TRAF5: variants seen among roughly 807,000 people sequenced by gnomAD.
TRAF5 encodes the protein TNF receptor associated factor 5.
In TRAF5, 48 loss-of-function variants were observed where a neutral mutation model predicts 64.5. The observed-to-expected ratio is 0.74, with a 90% confidence interval of 0.59 to 0.95. The LOEUF (loss-of-function observed/expected upper bound fraction) is 0.95. Ranked by LOEUF, TRAF5 falls within the 40% of genes least tolerant of loss-of-function variation. TRAF5 has a pLI of 0.00. For synonymous variants in TRAF5, 206 were observed against 240.5 expected, an observed-to-expected ratio of 0.86 and a Z score of 1.33; for missense variants, 545 against 662.8, an observed-to-expected ratio of 0.82 and a Z score of 1.95.
At chr1:211,371,157 T>C (rs1703508271) in intron 9 of TRAF5, 145 bp from the exon 10 acceptor site, 11 of 767,214 alleles carry the variant, frequency 1.4e-5, no homozygotes, top group Admixed American at 3.5e-5. Flanking sequence ...GTGATCCTCA[T>C]TGAATTTTAT....
At position 211,359,967 on chromosome 1, in the gene TRAF5, G is replaced by A. The variant is rs143474206; in HGVS notation, c.434G>A (p.Arg145Gln). The change falls in exon 5 of 11, where the codon CGG becomes CAG. Residue 145 changes from arginine to glutamine, a missense_variant. Physicochemically the swap from Arg to Gln is conservative, Grantham distance 43. Coordinates refer to ENST00000261464, the MANE Select transcript of TRAF5 (RefSeq NM_001033910.3). The stretch of plus-strand genomic sequence containing the variant: ...GTGCAGTGTTCTAATGAGAAGTGCC[G>A]GGAGCCAGTCCTACGGAAAGACCTG... ...QPVQCSNEKC[R>Q]EPVLRKDLKE... 362 of 1,614,058 alleles carry A rather than the reference G, an allele frequency of 2.2e-4. No homozygotes were observed. The African/African-American group carries it at 4.0e-3, about 18-fold the overall frequency.
intron 1 of TRAF5, among the ~76,000 whole-genome samples, chr1:211,334,514 C>T (rs1170921622): frequency 1.3e-5 from 2 of 152,050 alleles, no homozygotes; most frequent in East Asian, 1.9e-4. Context: ...AAAAATTAGC[C>T]GGGCTTGGTG....
intron 1 of TRAF5, among the ~76,000 whole-genome samples, chr1:211,334,421 G>A (rs1370540808): frequency 2.0e-5 from 3 of 152,220 alleles, no homozygotes; most frequent in South Asian, 4.1e-4. Context: ...CACTTTGGGA[G>A]ACCGAGGCGG....
intron 1 of TRAF5, among the ~76,000 whole-genome samples, chr1:211,349,603 G>T (rs1423657574): frequency 2.6e-5 from 4 of 151,870 alleles, no homozygotes; most frequent in Non-Finnish European, 5.9e-5. Context: ...TACGAATTTT[G>T]GGGGGGACAC....
chr1:211,372,375 TG>T lies in TRAF5; in HGVS notation c.1351del (p.Asp451MetfsTer32). ...GGCTCTGTGCTAGAGCATACCTGAA[TG>T]GGGATGGGTCAGGGAGGGGGTCACA... is the stretch of plus-strand genomic sequence containing the variant. ...YRLCARAYLN[G>X]DGSGRGSHLS... On this transcript the variant is annotated frameshift_variant, in exon 11 of 11. Transcript: ENST00000261464. LOFTEE classifies it high-confidence loss of function. 2.5e-6 allele frequency: 4 copies of T among 1,614,096 alleles called. No individual in the cohort carries two copies. Among genetic ancestry groups the T allele is most frequent in the Non-Finnish European group, 3.4e-6 (4 of 1,180,008 alleles).
intron 1 of TRAF5, among the ~76,000 whole-genome samples, chr1:211,340,494 C>G (rs1702418747): frequency 6.6e-6 from 1 of 152,188 alleles, no homozygotes; most frequent in South Asian, 2.1e-4. Flanking sequence ...GTTGGCCAGG[C>G]TGCTCTTGAA....
In TRAF5 at chr1:211,372,312, C is replaced by T. The variant is rs1473186093; in HGVS notation, c.1284C>T (p.Ile428=). The T allele has an allele frequency of 1.2e-6, 2 of 1,614,118 alleles. No homozygotes were observed. Among genetic ancestry groups the T allele is most frequent in the Non-Finnish European group, 1.7e-6 (2 of 1,180,018 alleles). ...REAVDGHTVS[I]FSQSFYTSRC... The stretch of plus-strand genomic sequence containing the variant: ...CGGTGGATGGGCACACAGTGTCCAT[C>T]TTCAGCCAGTCCTTCTACACCAGCC... Residue 428 remains isoleucine (I), a synonymous_variant, in exon 11 of 11, where the codon ATC becomes ATT. Transcript: ENST00000261464.
chr1:211,371,010 A>G (rs905281753), intron 9 of TRAF5, among the ~76,000 whole-genome samples: 2 of 152,170 alleles, frequency 1.3e-5, no homozygotes, highest in Non-Finnish European at 2.9e-5. Flanking sequence ...AAATAAATAT[A>G]TAAAGATAGG....
intron 5 of TRAF5, chr1:211,360,478 C>T: frequency 3.8e-6 from 2 of 522,726 alleles, no homozygotes; most frequent in Non-Finnish European, 6.7e-6. Flanking sequence ...TTCTTTGAAT[C>T]CTGTGTTCTA....
chr1:211,337,850 T>C (rs1702344642), intron 1 of TRAF5, among the ~76,000 whole-genome samples: 1 of 151,906 alleles, frequency 6.6e-6, no homozygotes, highest in Non-Finnish European at 1.5e-5. Flanking sequence ...GAGGAGCAGG[T>C]TGGGTGGGGA....
At chr1:211,352,299 T>G (rs1400003530) in intron 1 of TRAF5, among the ~76,000 whole-genome samples, 1 of 151,742 alleles carries the variant, frequency 6.6e-6, no homozygotes. Context: ...TATAAAGCCA[T>G]CAGATCTCAT....
chr1:211,371,468 T>A lies in TRAF5; in HGVS notation c.1097T>A (p.Leu366Ter), dbSNP rs1172320753. The A allele has an allele frequency of 1.2e-6, 2 of 1,604,980 alleles. No homozygotes were observed. The highest frequency in any genetic ancestry group is 2.3e-5 in the South Asian group (2 of 88,568). The change falls in exon 10 of 11, where the codon TTA becomes TAA. Residue 366 changes from leucine (L) to a stop codon, truncating the protein, a stop_gained and splice_region_variant. Transcript: ENST00000261464. LOFTEE classifies it high-confidence loss of function. ...ITLLENNDQR[L>*]AVLEEETNKH... is the part of the protein sequence containing the mutation. Reference sequence around the variant, plus strand: ...CTGCTAGAAAACAATGATCAAAGATTAGGTATGTCTGATATTTTATTTCTC... The same window carrying A: ...CTGCTAGAAAACAATGATCAAAGATAAGGTATGTCTGATATTTTATTTCTC...
At chr1:211,344,713 A>C (rs1158710143) in intron 1 of TRAF5, among the ~76,000 whole-genome samples, 1 of 152,182 alleles carries the variant, frequency 6.6e-6, no homozygotes, top group Non-Finnish European at 1.5e-5. Flanking sequence ...TGCCAGGAGG[A>C]TAGCCTAACA....
chr1:211,362,709 A>G (rs1316665287), intron 7 of TRAF5, among the ~76,000 whole-genome samples: 1 of 152,104 alleles, frequency 6.6e-6, no homozygotes, highest in Non-Finnish European at 1.5e-5. Context: ...CCCCCCAACA[A>G]CAACAAAAGC....
rs537227158 is a variant in TRAF5 at position 211,338,758 on chromosome 1, G to A, written c.-2+11869G>A. Among the ~76,000 whole-genome samples the A allele has an allele frequency of 3.9e-5, 6 of 152,242 alleles. No homozygotes were observed. The South Asian group carries it at 1.2e-3, about 32-fold the overall frequency. ...TCCTGCCTCAGCCTCCCAGGTAGCT[G>A]GGATTACAGATGTGTGCCACCATGC... On this transcript the variant is annotated intron_variant, in intron 1 of 10. Coordinates refer to ENST00000261464, the MANE Select transcript of TRAF5 (RefSeq NM_001033910.3).
intron 1 of TRAF5, among the ~76,000 whole-genome samples, chr1:211,334,294 C>A (rs569097828): frequency 2.3e-4 from 35 of 152,322 alleles, no homozygotes; most frequent in African/African-American, 8.4e-4. Context: ...TTACTAAGGG[C>A]TGGTCATGTA....
chr1:211,326,840 G>A lies in TRAF5; in HGVS notation c.-51G>A. ...CCGCCGCCGGCCGCAGCCAGGAGCA[G>A]CAGCCGCGCCTGCAGACCGGCCTCG... On this transcript the variant is annotated 5_prime_UTR_variant, in exon 1 of 11. Coordinates refer to ENST00000261464, the MANE Select transcript of TRAF5 (RefSeq NM_001033910.3). The surrounding 1 kb of genome is among the most constrained non-coding windows in gnomAD (Gnocchi z 5.0). 1 of 984,696 alleles carries A rather than the reference G, an allele frequency of 1.0e-6. No individual in the cohort carries two copies. Among genetic ancestry groups the A allele is most frequent in the Non-Finnish European group, 1.2e-6 (1 of 829,520 alleles). 61.0% of individuals were successfully genotyped at this position (984,696 alleles called of 1,614,324 possible). A position where few individuals can be genotyped will look rare whatever the true frequency, so the allele number is the denominator to read the frequency against.
At chr1:211,360,190 A>G in intron 5 of TRAF5, 114 bp downstream of exon 5, 1 of 1,183,242 alleles carries the variant, frequency 8.5e-7, no homozygotes, top group African/African-American at 1.5e-5. Flanking sequence ...TTTGTACAGA[A>G]TTAGGTCTAA....
intron 9 of TRAF5, among the ~76,000 whole-genome samples, chr1:211,370,996 A>G (rs1262290225): frequency 6.6e-6 from 1 of 152,282 alleles, no homozygotes. Context: ...GAGAAACAAC[A>G]TGAAAATAAA....
Sources: allele counts gnomAD v4.1 joint callset (sites outside exome capture counted in the v4.1 genomes callset), GRCh38; gene constraint gnomAD v4.1.1; non-coding constraint Gnocchi (gnomAD v3.1); transcripts MANE v1.5; gene names NCBI Gene and HGNC (gene_info 2026-07-23, HGNC 2026-07-21).